Variants in TRHDE observed in about 807,000 individuals in gnomAD.
The protein encoded by TRHDE is thyrotropin-releasing hormone-degrading ectoenzyme.
A neutral mutation model predicts 125.7 loss-of-function variants in TRHDE; 72 were observed. The ratio of observed to expected loss-of-function variants is 0.57; its 90% confidence interval spans 0.47 to 0.70. TRHDE has a LOEUF of 0.70. Among genes scored for constraint, TRHDE ranks in the 30% least tolerant of loss-of-function variants. The pLI, the probability that TRHDE is intolerant of heterozygous loss-of-function variation, is 0.00. For missense variants in TRHDE, 1,110 were observed against 1,327.1 expected, an observed-to-expected ratio of 0.84 and a Z score of 2.54; for synonymous variants, 509 against 509.1, an observed-to-expected ratio of 1.00 and a Z score of 0.00.
intron 12 of TRHDE, among the ~76,000 whole-genome samples, chr12:72,609,752 A>G (rs1425019490): frequency 6.6e-6 from 1 of 152,162 alleles, no homozygotes; most frequent in Non-Finnish European, 1.5e-5. Flanking sequence ...ACTCTTTTCT[A>G]GTTTCCTGTT....
Position 72,542,284 on chromosome 12 carries a change from C to A in TRHDE, c.1723-7C>A. 6.3e-7 allele frequency: 1 copy of A among 1,596,182 alleles called. No homozygotes were observed. On this transcript the variant is annotated splice_polypyrimidine_tract_variant and splice_region_variant and intron_variant, in intron 6 of 18. Transcript: ENST00000261180. ...AATTCTGTTCTTTTTATTATTCTTT[C>A]CTATAGGGTGCTGCTTTAATAAGAA... is the stretch of plus-strand genomic sequence containing the variant.
intron 18 of TRHDE, 133 bp downstream of exon 18, chr12:72,657,141 C>CAT (rs1386198681): frequency 1.6e-6 from 1 of 630,188 alleles, no homozygotes; most frequent in African/African-American, 1.9e-5. Flanking sequence ...CACACACACA[C>CAT]ACACGTTAAA....
Position 72,273,631 on chromosome 12 carries a change from C to G in TRHDE, c.914+74C>G, listed in dbSNP as rs976798440. The stretch of plus-strand genomic sequence containing the variant: ...CGAACCTCTGGGCGGCCTGCGACCC[C>G]GGGGACCCAGCTGGCTTCCAATACC... On this transcript the variant is annotated intron_variant, in intron 1 of 18. Coordinates refer to ENST00000261180, the MANE Select transcript of TRHDE (RefSeq NM_013381.3). This position sits in a 1 kb window ranked among gnomAD's most constrained non-coding sequence, Gnocchi z 5.3. 1.2e-5 allele frequency: 17 copies of G among 1,423,802 alleles called. No homozygotes were observed. The African/African-American group carries it at 1.4e-4, about 12-fold the overall frequency. 88.2% of individuals were successfully genotyped at this position (1,423,802 alleles called of 1,614,324 possible). A position where few individuals can be genotyped will look rare whatever the true frequency, so the allele number is the denominator to read the frequency against.
At chr12:72,553,084 G>A (rs1869751300) in intron 7 of TRHDE, among the ~76,000 whole-genome samples, 1 of 152,178 alleles carries the variant, frequency 6.6e-6, no homozygotes, top group Non-Finnish European at 1.5e-5. Flanking sequence ...CTGAATGAAA[G>A]TGAGATGAGA....
At chr12:72,633,529 G>A (rs1455465537) in intron 15 of TRHDE, among the ~76,000 whole-genome samples, 1 of 152,052 alleles carries the variant, frequency 6.6e-6, no homozygotes, top group Non-Finnish European at 1.5e-5. Flanking sequence ...TGCAAATGCT[G>A]TTTAGGCACA....
intron 12 of TRHDE, chr12:72,582,181 A>C (rs1486864498): frequency 1.1e-6 from 1 of 881,268 alleles, no homozygotes; most frequent in Non-Finnish European, 1.4e-6. Flanking sequence ...TGTTTGATGA[A>C]TATATAAGTT....
At chr12:72,120,267 T>A (rs1366295078) in intron 2 of TRHDE, among the ~76,000 whole-genome samples, 1 of 152,106 alleles carries the variant, frequency 6.6e-6, no homozygotes, top group Non-Finnish European at 1.5e-5. Context: ...CCCAGGGTGG[T>A]CTCGATCTCC....
intron 2 of TRHDE, among the ~76,000 whole-genome samples, chr12:72,129,016 A>C (rs1443741936): frequency 6.6e-6 from 1 of 152,264 alleles, no homozygotes; most frequent in African/African-American, 2.4e-5. Flanking sequence ...CCAGTGTTAA[A>C]GAGGAAATAT....
intron 12 of TRHDE, among the ~76,000 whole-genome samples, chr12:72,591,649 C>A (rs866206050): frequency 1.1e-5 from 1 of 88,136 alleles, no homozygotes; most frequent in Admixed American, 1.1e-4. Context: ...TTTTTTTTTG[C>A]TATTATTTCC....
chr12:72,138,903 A>C (rs1021984778), intron 2 of TRHDE, among the ~76,000 whole-genome samples: 3 of 152,258 alleles, frequency 2.0e-5, no homozygotes, highest in Non-Finnish European at 2.9e-5. Flanking sequence ...TGGTGAAGTT[A>C]TGCAAAAAGC....
chr12:72,647,455 AC>A (rs1309599649), intron 15 of TRHDE, among the ~76,000 whole-genome samples: 1 of 152,028 alleles, frequency 6.6e-6, no homozygotes, highest in Non-Finnish European at 1.5e-5. Flanking sequence ...GGAGGAAATA[AC>A]AAAGATAAGA....
intron 6 of TRHDE, among the ~76,000 whole-genome samples, chr12:72,510,843 G>A (rs1207212014): frequency 6.6e-6 from 1 of 152,108 alleles, no homozygotes; most frequent in Non-Finnish European, 1.5e-5. Flanking sequence ...AAGAGAGATT[G>A]ATTTTGGAAC....
At chr12:72,405,310 G>T (rs531350213) in intron 3 of TRHDE, among the ~76,000 whole-genome samples, 1 of 152,098 alleles carries the variant, frequency 6.6e-6, no homozygotes, top group Non-Finnish European at 1.5e-5. Context: ...TAGAATATTT[G>T]TTTATAACTT....
chr12:72,260,201 C>G (rs1325408088), intron 2 of TRHDE, among the ~76,000 whole-genome samples: 22 of 152,032 alleles, frequency 1.4e-4, no homozygotes. Context: ...AAATCTAACT[C>G]TTCTATCAAG....
intron 2 of TRHDE, among the ~76,000 whole-genome samples, chr12:72,373,287 C>T (rs867945695): frequency 1.6e-4 from 25 of 152,172 alleles, no homozygotes; most frequent in African/African-American, 4.8e-4. Flanking sequence ...AAGGAGATTT[C>T]GGGCTGAGAC....
intron 9 of TRHDE, among the ~76,000 whole-genome samples, chr12:72,565,856 AAATATCTT>A (rs1048860030): frequency 9.2e-5 from 14 of 152,176 alleles, no homozygotes; most frequent in Non-Finnish European, 1.9e-4. Flanking sequence ...TTAAAGAAAA[AAATATCTT>A]GATGGGTCTT....
At chr12:72,579,193 A>T (rs892188708) in intron 12 of TRHDE, among the ~76,000 whole-genome samples, 4 of 151,948 alleles carry the variant, frequency 2.6e-5, no homozygotes, top group Non-Finnish European at 5.9e-5. Flanking sequence ...TAAATATTAG[A>T]AATTATATTC....
intron 2 of TRHDE, among the ~76,000 whole-genome samples, chr12:72,372,907 G>T (rs1459613466): frequency 1.6e-4 from 25 of 152,032 alleles, no homozygotes; most frequent in African/African-American, 2.7e-4. Context: ...TTTAAAGTAG[G>T]TTTTTCCAAT....
At chr12:72,614,550 T>C (rs1872748215) in intron 12 of TRHDE, among the ~76,000 whole-genome samples, 1 of 152,018 alleles carries the variant, frequency 6.6e-6, no homozygotes, top group South Asian at 2.1e-4. Flanking sequence ...GCAAGTGCTT[T>C]AAAAATCTGT....
Sources: allele counts gnomAD v4.1 joint callset (sites outside exome capture counted in the v4.1 genomes callset), GRCh38; gene constraint gnomAD v4.1.1; non-coding constraint Gnocchi (gnomAD v3.1); transcripts MANE v1.5; gene names NCBI Gene and HGNC (gene_info 2026-07-23, HGNC 2026-07-21).